Variants in NRXN3 observed in about 807,000 individuals in gnomAD.
NRXN3 encodes the protein neurexin III.
NRXN3 carries 32 observed loss-of-function variants against 137.6 expected under a neutral mutation model. The ratio of observed to expected loss-of-function variants is 0.23; its 90% confidence interval spans 0.18 to 0.31. The LOEUF (loss-of-function observed/expected upper bound fraction) is 0.31, where lower values mean the gene tolerates loss of function less well. NRXN3 is among the 10% of genes least tolerant of loss of function. NRXN3 has a pLI of 1.00. For synonymous variants in NRXN3, 798 were observed against 784.5 expected, an observed-to-expected ratio of 1.02 and a Z score of -0.29; for missense variants, 1,574 against 2,062.5, an observed-to-expected ratio of 0.76 and a Z score of 4.59.
At chr14:79,305,625 GT>G (rs563520155) in intron 15 of NRXN3, among the ~76,000 whole-genome samples, 1 of 152,070 alleles carries the variant, frequency 6.6e-6, no homozygotes, top group South Asian at 2.1e-4. Flanking sequence ...CCGGGGATTA[GT>G]TTTTTTCCTC....
chr14:78,661,929 G>A (rs1340038874), intron 6 of NRXN3, among the ~76,000 whole-genome samples: 21 of 146,386 alleles, frequency 1.4e-4, no homozygotes, highest in Non-Finnish European at 1.5e-4. Flanking sequence ...TTGCTCTGTC[G>A]TCCAGGCTGG....
At chr14:78,658,313 GT>G (rs1037983788) in intron 6 of NRXN3, among the ~76,000 whole-genome samples, 2 of 152,072 alleles carry the variant, frequency 1.3e-5, no homozygotes, top group African/African-American at 4.8e-5. Context: ...CTGAGCCTCG[GT>G]TTCTTCATCT....
chr14:79,375,656 AAATAT>A (rs2094251714), intron 15 of NRXN3, among the ~76,000 whole-genome samples: 1 of 152,114 alleles, frequency 6.6e-6, no homozygotes, highest in Non-Finnish European at 1.5e-5. Context: ...AATACTGCTT[AAATAT>A]TAAGATTAGA....
chr14:78,341,858 A>T (rs527364949), intron 4 of NRXN3, among the ~76,000 whole-genome samples: 7 of 152,276 alleles, frequency 4.6e-5, no homozygotes, highest in African/African-American at 1.7e-4. Context: ...TCCCAGAGTG[A>T]ATGTATTTAG....
intron 4 of NRXN3, among the ~76,000 whole-genome samples, chr14:78,585,586 G>A (rs938120628): frequency 5.3e-5 from 8 of 152,268 alleles, no homozygotes; most frequent in Non-Finnish European, 8.8e-5. Flanking sequence ...AGTTAGTGGC[G>A]GAAGAGGTCT....
intron 15 of NRXN3, among the ~76,000 whole-genome samples, chr14:79,297,376 T>C (rs556389230): frequency 6.6e-6 from 1 of 152,160 alleles, no homozygotes; most frequent in Non-Finnish European, 1.5e-5. Flanking sequence ...GTATGTCCCA[T>C]GCAATATTTG....
intron 15 of NRXN3, among the ~76,000 whole-genome samples, chr14:79,049,618 G>T (rs2152565808): frequency 6.6e-6 from 1 of 152,192 alleles, no homozygotes; most frequent in South Asian, 2.1e-4. Flanking sequence ...TTTTCAGAAG[G>T]TTTTTAATTT....
intron 1 of NRXN3, among the ~76,000 whole-genome samples, chr14:78,192,062 G>C (rs1162341116): frequency 4.1e-5 from 5 of 122,622 alleles, no homozygotes; most frequent in Non-Finnish European, 8.5e-5. Flanking sequence ...TTGGCTGCCC[G>C]AAAGTGTGTG....
chr14:78,420,089 A>C (rs2093375802), intron 4 of NRXN3, among the ~76,000 whole-genome samples: 1 of 152,232 alleles, frequency 6.6e-6, no homozygotes, highest in African/African-American at 2.4e-5. Context: ...GGCAGGGAAG[A>C]TGGAAAAAAA....
intron 2 of NRXN3, among the ~76,000 whole-genome samples, chr14:78,268,217 G>C (rs1472261304): frequency 1.3e-5 from 2 of 151,976 alleles, no homozygotes; most frequent in East Asian, 1.9e-4. Flanking sequence ...CTGAAGACTT[G>C]GGATATTAAA....
intron 14 of NRXN3, among the ~76,000 whole-genome samples, chr14:78,987,298 C>T (rs2099508962): frequency 6.6e-6 from 1 of 152,088 alleles, no homozygotes; most frequent in Non-Finnish European, 1.5e-5. Flanking sequence ...GTTACTTTAC[C>T]TAAGTTGGAC....
chr14:79,012,529 G>A (rs1036587313), intron 15 of NRXN3, among the ~76,000 whole-genome samples: 3 of 152,048 alleles, frequency 2.0e-5, no homozygotes, highest in Non-Finnish European at 4.4e-5. Flanking sequence ...CAGAATCAGG[G>A]ACTTTGAGTA....
chr14:78,717,849 CAT>C (rs984066674), intron 8 of NRXN3, among the ~76,000 whole-genome samples: 31 of 152,100 alleles, frequency 2.0e-4, no homozygotes, highest in African/African-American at 7.2e-4. Context: ...AAATGTTTAA[CAT>C]GTGGTTAATG....
intron 16 of NRXN3, among the ~76,000 whole-genome samples, chr14:79,518,693 A>G (rs768903347): frequency 2.0e-5 from 3 of 152,132 alleles, no homozygotes; most frequent in Non-Finnish European, 4.4e-5. Context: ...TATATCTCCA[A>G]TTTCTCTTGT....
chr14:78,513,506 A>T (rs1255719223), intron 4 of NRXN3, among the ~76,000 whole-genome samples: 1 of 152,136 alleles, frequency 6.6e-6, no homozygotes, highest in Non-Finnish European at 1.5e-5. Context: ...TTTTCGAAAG[A>T]CTGTCATCTA....
intron 7 of NRXN3, among the ~76,000 whole-genome samples, chr14:78,710,253 C>T (rs966156080): frequency 2.0e-5 from 3 of 152,022 alleles, no homozygotes; most frequent in Non-Finnish European, 4.4e-5. Flanking sequence ...ACCTCACTAA[C>T]TCTCTCTTCC....
chr14:78,746,779 A>G (rs1013185247), intron 8 of NRXN3, among the ~76,000 whole-genome samples: 14 of 152,180 alleles, frequency 9.2e-5, no homozygotes, highest in African/African-American at 3.1e-4. Context: ...CTTTGTATTC[A>G]TTCACTCAGC....
chr14:78,179,534 C>T (rs757455621), intron 1 of NRXN3, among the ~76,000 whole-genome samples: 15 of 152,142 alleles, frequency 9.9e-5, no homozygotes, highest in Admixed American at 6.5e-5. Context: ...GGGCCCCAAG[C>T]TGGAGTCAGC....
At chr14:79,784,054 A>ATG (rs1424326280) in intron 19 of NRXN3, among the ~76,000 whole-genome samples, 3 of 152,350 alleles carry the variant, frequency 2.0e-5, no homozygotes, top group African/African-American at 7.2e-5. Flanking sequence ...ATATTGTCTT[A>ATG]TGTAAAAGAT....
Sources: gnomAD v4.1 joint callset for allele counts (sites outside exome capture counted in the v4.1 genomes callset) on GRCh38, gnomAD v4.1.1 for gene constraint, MANE v1.5 for transcripts, NCBI Gene and HGNC (gene_info 2026-07-23, HGNC 2026-07-21) for gene names.